IQSEC1: variants seen among roughly 807,000 people sequenced by gnomAD.
IQSEC1 encodes IQ motif and SEC7 domain-containing protein 1.
In IQSEC1, 31 loss-of-function variants were observed where a neutral mutation model predicts 91.0. That is an observed-to-expected ratio of 0.34 (90% CI 0.26 to 0.46). IQSEC1 has a LOEUF of 0.46. Among genes scored for constraint, IQSEC1 ranks in the 20% least tolerant of loss-of-function variants. The probability of loss-of-function intolerance (pLI) is 1.00; values close to 1 mark genes in which losing one functional copy is unlikely to be tolerated. For synonymous variants in IQSEC1, 699 were observed against 662.6 expected (o/e 1.05, Z -0.84); for missense variants, 1,388 against 1,575.6 (o/e 0.88, Z 2.02).
chr3:12,919,605 T>C (rs1437065548), intron 6 of IQSEC1, among the ~76,000 whole-genome samples: 1 of 152,256 alleles, frequency 6.6e-6, no homozygotes, highest in Non-Finnish European at 1.5e-5. Flanking sequence ...CACACGCTCT[T>C]AGAGCCAGGC....
intron 1 of IQSEC1, among the ~76,000 whole-genome samples, chr3:13,242,072 C>G (rs1358599495): frequency 6.6e-6 from 1 of 152,196 alleles, no homozygotes; most frequent in Admixed American, 6.5e-5. Context: ...TAAAACCACC[C>G]ACACAGGGCA....
At chr3:13,145,169 A>G (rs1163102253) in intron 2 of IQSEC1, among the ~76,000 whole-genome samples, 2 of 152,200 alleles carry the variant, frequency 1.3e-5, no homozygotes, top group African/African-American at 4.8e-5. Context: ...CGGCTGTATC[A>G]GTTAGGAACA....
chr3:13,009,286 A>C (rs996167947), intron 1 of IQSEC1, among the ~76,000 whole-genome samples: 1 of 152,106 alleles, frequency 6.6e-6, no homozygotes, highest in African/African-American at 2.4e-5. Flanking sequence ...ACACCTCTCC[A>C]TGTGGTGGCG....
intron 1 of IQSEC1, among the ~76,000 whole-genome samples, chr3:13,204,987 G>A (rs1433711800): frequency 6.6e-6 from 1 of 151,850 alleles, no homozygotes; most frequent in Admixed American, 6.6e-5. Flanking sequence ...TAGTAGAAAA[G>A]AGGTTTCACC....
intron 1 of IQSEC1, among the ~76,000 whole-genome samples, chr3:13,277,106 T>TAAAAAAAAAAAAA (rs4034193): frequency 4.4e-4 from 16 of 35,994 alleles, no homozygotes; most frequent in East Asian, 1.0e-3. Context: ...TGCTCCTCCT[T>TAAAAAAAAAAAAA]AAAAAAAAAA....
chr3:13,100,825 G>C (rs1472080239), intron 2 of IQSEC1, among the ~76,000 whole-genome samples: 1 of 148,958 alleles, frequency 6.7e-6, no homozygotes, highest in Non-Finnish European at 1.5e-5. Flanking sequence ...ACAGCGTCGG[G>C]GGGACCGACA....
rs534061077 is a variant in IQSEC1 at position 13,239,218 on chromosome 3, C to T, written c.272+43493G>A. 2.6e-5 allele frequency among the ~76,000 whole-genome samples: 4 copies of T among 152,352 alleles called. No individual in the cohort carries two copies. The South Asian group carries it at 6.2e-4, about 24-fold the overall frequency. On this transcript the variant is annotated intron_variant, in intron 1 of 15. Coordinates refer to the IQSEC1 transcript ENST00000648114. ...GGCTCCGGTTTATGCTGGCGGACAG[C>T]GGCTCAGTCCCAGTCCACTGGGCCC... is the stretch of plus-strand genomic sequence containing the variant.
chr3:13,143,700 G>A lies in IQSEC1; in HGVS notation c.302+20404C>T, dbSNP rs1706838686. ...AGGGAGAGAAGGTCCATTTCTGTTG[G>A]GTGGCTGGGGCTGTGGGTGCCGCCT... On this transcript the variant is annotated intron_variant, in intron 2 of 15. Coordinates refer to the IQSEC1 transcript ENST00000648114. 2.0e-5 allele frequency among the ~76,000 whole-genome samples: 3 copies of A among 152,272 alleles called. No homozygotes were observed. The South Asian group carries it at 6.2e-4, about 32-fold the overall frequency.
chr3:13,265,890 TA>T (rs56803844), intron 1 of IQSEC1, among the ~76,000 whole-genome samples: 74,105 of 121,062 alleles, frequency 0.61, 21,626 homozygotes, highest in East Asian at 0.92. Flanking sequence ...TACGGGCATT[TA>T]AAAAAAAAAA....
At chr3:13,095,899 G>C (rs1449323612) in intron 2 of IQSEC1, among the ~76,000 whole-genome samples, 2 of 152,188 alleles carry the variant, frequency 1.3e-5, no homozygotes, top group African/African-American at 4.8e-5. Flanking sequence ...ATTCACGTGA[G>C]ACCTCATGCA....
chr3:13,252,494 G>A (rs1237551066), intron 1 of IQSEC1, among the ~76,000 whole-genome samples: 1 of 152,232 alleles, frequency 6.6e-6, no homozygotes, highest in Non-Finnish European at 1.5e-5. Context: ...GAATAACACT[G>A]CTATGAATGT....
chr3:12,947,666 G>A (rs1699272762), intron 1 of IQSEC1, among the ~76,000 whole-genome samples: 1 of 152,202 alleles, frequency 6.6e-6, no homozygotes, highest in Non-Finnish European at 1.5e-5. Context: ...CCCTGGTGGT[G>A]GGACAGGCCA....
intron 1 of IQSEC1, among the ~76,000 whole-genome samples, chr3:13,279,381 A>AT (rs1352236390): frequency 3.3e-5 from 5 of 152,102 alleles, no homozygotes; most frequent in Admixed American, 2.0e-4. Context: ...CCATCACTGT[A>AT]TTTTTTCCTG....
chr3:12,990,843 G>C (rs1304858372), intron 1 of IQSEC1, among the ~76,000 whole-genome samples: 18 of 152,226 alleles, frequency 1.2e-4, no homozygotes, highest in Admixed American at 1.2e-3. Context: ...TAGGTTTGTG[G>C]TTTTGCAGAC....
At chr3:13,252,992 A>G (rs1163984687) in intron 1 of IQSEC1, among the ~76,000 whole-genome samples, 3 of 152,126 alleles carry the variant, frequency 2.0e-5, no homozygotes, top group Non-Finnish European at 4.4e-5. Flanking sequence ...TCGGCCTCCC[A>G]AAGTGCTGGG....
At chr3:12,916,409 C>T (rs1696097977) in intron 6 of IQSEC1, among the ~76,000 whole-genome samples, 1 of 152,260 alleles carries the variant, frequency 6.6e-6, no homozygotes, top group African/African-American at 2.4e-5. Flanking sequence ...CACACTGCTT[C>T]TTTCTTCCTC....
At chr3:12,920,201 C>A (rs552195388) in intron 6 of IQSEC1, among the ~76,000 whole-genome samples, 1 of 152,206 alleles carries the variant, frequency 6.6e-6, no homozygotes, top group Admixed American at 6.5e-5. Flanking sequence ...CCCAACACCT[C>A]GAGACCCCGG....
intron 1 of IQSEC1, among the ~76,000 whole-genome samples, chr3:13,240,251 G>A (rs933629057): frequency 1.3e-5 from 2 of 152,110 alleles, no homozygotes; most frequent in Non-Finnish European, 2.9e-5. Context: ...GCCAGGTGAG[G>A]TGGTATGTGC....
chr3:12,951,915 G>A (rs1451971216), intron 1 of IQSEC1, among the ~76,000 whole-genome samples: 4 of 152,158 alleles, frequency 2.6e-5, no homozygotes, highest in South Asian at 2.1e-4. Flanking sequence ...GCCTCCAGAC[G>A]CTGCCAAGGT....
Sources: gnomAD v4.1 joint callset for allele counts (sites outside exome capture counted in the v4.1 genomes callset) on GRCh38, gnomAD v4.1.1 for gene constraint, MANE v1.5 for transcripts, NCBI Gene and HGNC (gene_info 2026-07-23, HGNC 2026-07-21) for gene names.